PRKN: variants seen among roughly 807,000 people sequenced by gnomAD.
PRKN encodes the protein parkin RBR E3 ubiquitin protein ligase, also known as E3 ubiquitin-protein ligase parkin.
PRKN carries 56 observed loss-of-function variants against 59.5 expected under a neutral mutation model. That is an observed-to-expected ratio of 0.94 (90% confidence interval 0.76 to 1.18). The LOEUF is 1.18. Among genes scored for constraint, PRKN ranks in the 50% most tolerant of loss-of-function variants. PRKN has a pLI of 0.00. For synonymous variants in PRKN, 250 were observed against 222.1 expected (o/e 1.13, Z -1.12); for missense variants, 657 against 596.4 (o/e 1.10, Z -1.06).
rs1034456632 is a variant in PRKN, at chr6:161,429,897, G to C, written c.1084-43020C>G. Among the ~76,000 whole-genome samples the C allele has an allele frequency of 2.0e-5, 3 of 152,174 alleles. No homozygotes were observed. The highest frequency in any genetic ancestry group is 7.2e-5 in the African/African-American group (3 of 41,426). On this transcript the variant is annotated intron_variant, in intron 9 of 11. Transcript: ENST00000366898. The surrounding 1 kb of genome is among the most constrained non-coding windows in gnomAD (Gnocchi z 4.2). ...GCTTTCTTTGCAAGCTAACAAGTTA[G>C]TCTGCTCAGTTTTACGGAGGCCAGG...
At position 161,584,465 on chromosome 6, in the gene PRKN, T is replaced by C. The variant is rs1281562871; in HGVS notation, c.872-15049A>G. Among the ~76,000 whole-genome samples, 1 of 152,254 alleles carries C rather than the reference T, an allele frequency of 6.6e-6. No individual in the cohort carries two copies. On this transcript the variant is annotated intron_variant, in intron 7 of 11. Coordinates refer to ENST00000366898, the MANE Select transcript of PRKN (RefSeq NM_004562.3). The surrounding 1 kb of genome is among the most constrained non-coding windows in gnomAD (Gnocchi z 4.8). ...TATAATAATAGTTCTTCTATTATAA[T>C]CTTCATGTGCCAAATTGGGGGAAAA...
intron 3 of PRKN, among the ~76,000 whole-genome samples, chr6:162,248,872 T>C (rs1338277794): frequency 6.6e-6 from 1 of 151,948 alleles, no homozygotes; most frequent in African/African-American, 2.4e-5. Flanking sequence ...AGACTATTGC[T>C]TTTGTATATA....
At position 162,522,343 on chromosome 6, in the gene PRKN, C is replaced by T. The variant is rs181818891; in HGVS notation, c.8-78870G>A. ...TTTGCCATGGTGCCCAGGCTGGTCT[C>T]GAACTTGTGAGCTTCAGTGATTCGC... On this transcript the variant is annotated intron_variant, in intron 1 of 11. Transcript: ENST00000366898. Among the ~76,000 whole-genome samples, 340 of 152,258 alleles carry T rather than the reference C, an allele frequency of 2.2e-3. 3 individuals carry two copies. The highest frequency in any genetic ancestry group is 7.0e-3 in the African/African-American group (291 of 41,562).
At chr6:162,184,573 GTTGC>G (rs1274323192) in intron 4 of PRKN, among the ~76,000 whole-genome samples, 3 of 152,122 alleles carry the variant, frequency 2.0e-5, no homozygotes, top group Admixed American at 6.6e-5. Context: ...AGAAGGACAT[GTTGC>G]TTCCCCTTCC....
rs184844231 is a variant in PRKN, at chr6:162,101,482, C to T, written c.535-47308G>A. ...AGGAGATCGAGACCATCCTGGCTAA[C>T]GTGGAGAAACCCTGTCTCTACTAAA... On this transcript the variant is annotated intron_variant, in intron 4 of 11. Coordinates refer to ENST00000366898, the MANE Select transcript of PRKN (RefSeq NM_004562.3). 1.2e-3 allele frequency among the ~76,000 whole-genome samples: 179 copies of T among 151,622 alleles called. 1 individual carries two copies. The highest frequency in any genetic ancestry group is 3.8e-3 in the African/African-American group (158 of 41,304).
chr6:162,139,030 T>C (rs1367375707), intron 4 of PRKN, among the ~76,000 whole-genome samples: 1 of 152,212 alleles, frequency 6.6e-6, no homozygotes, highest in Admixed American at 6.5e-5. Flanking sequence ...CTAAGAATGA[T>C]GGAAGACATG....
intron 9 of PRKN, among the ~76,000 whole-genome samples, chr6:161,493,046 AG>A (rs1225857020): frequency 5.9e-5 from 9 of 152,228 alleles, no homozygotes; most frequent in Non-Finnish European, 1.3e-4. Context: ...GTTAAATTCT[AG>A]TTAAATGCCA....
At chr6:161,739,148 C>G (rs1349645882) in intron 7 of PRKN, among the ~76,000 whole-genome samples, 1 of 152,132 alleles carries the variant, frequency 6.6e-6, no homozygotes, top group Non-Finnish European at 1.5e-5. Flanking sequence ...TGGCTCACAC[C>G]TGTAATCCCA....
At chr6:161,791,086 C>A (rs998700852) in intron 6 of PRKN, among the ~76,000 whole-genome samples, 1 of 152,054 alleles carries the variant, frequency 6.6e-6, no homozygotes, top group African/African-American at 2.4e-5. Flanking sequence ...GTTAATTGAT[C>A]GATCCAGAGA....
chr6:162,550,862 G>A (rs976575916), intron 1 of PRKN, among the ~76,000 whole-genome samples: 4 of 152,158 alleles, frequency 2.6e-5, no homozygotes, highest in Admixed American at 6.5e-5. Flanking sequence ...CTGGAGTGGC[G>A]TGTGAGGTAA....
At chr6:161,764,312 G>A (rs910560367) in intron 7 of PRKN, among the ~76,000 whole-genome samples, 4 of 152,160 alleles carry the variant, frequency 2.6e-5, no homozygotes, top group Admixed American at 6.6e-5. Context: ...TCTGCAAACC[G>A]TTGCTTCTCC....
intron 6 of PRKN, among the ~76,000 whole-genome samples, chr6:161,970,593 AGT>A (rs921333629): frequency 3.3e-5 from 5 of 151,530 alleles, no homozygotes; most frequent in African/African-American, 1.2e-4. Context: ...GCTGGAGCGC[AGT>A]GGTACAATCT....
chr6:161,637,086 T>A (rs1225896878), intron 7 of PRKN, among the ~76,000 whole-genome samples: 1 of 152,140 alleles, frequency 6.6e-6, no homozygotes, highest in African/African-American at 2.4e-5. Flanking sequence ...TTAAAGTAAA[T>A]CCCTGTTGGT....
rs1789982864 is a variant in PRKN at position 161,777,652 on chromosome 6, ATATATAT to A, written c.871+8113_871+8119del. On this transcript the variant is annotated intron_variant, in intron 7 of 11. Coordinates refer to ENST00000366898, the MANE Select transcript of PRKN (RefSeq NM_004562.3). ...GCTAACTCTACGGATATTCTCATATATATATATTATATATATGAGAATATATATATAA... is the reference window on the plus strand; with the variant it reads ...GCTAACTCTACGGATATTCTCATATATATATATATGAGAATATATATATAA... Among the ~76,000 whole-genome samples the A allele has an allele frequency of 2.2e-5, 3 of 134,314 alleles. No homozygotes were observed. The Admixed American group carries it at 2.3e-4, about 10-fold the overall frequency. The allele number at this position is 134,314 out of a possible 152,430, so 88.1% of individuals were successfully genotyped here. A position where few individuals can be genotyped will look rare whatever the true frequency, so the allele number is the denominator to read the frequency against.
chr6:161,680,726 CATATATATATAT>C (rs56954052), intron 7 of PRKN, among the ~76,000 whole-genome samples: 35 of 51,020 alleles, frequency 6.9e-4, no homozygotes, highest in African/African-American at 1.0e-3. Flanking sequence ...TCCTGAAATA[CATATATATATAT>C]ATATATATAT....
At chr6:162,351,541 C>A (rs1052145136) in intron 2 of PRKN, among the ~76,000 whole-genome samples, 3 of 152,044 alleles carry the variant, frequency 2.0e-5, no homozygotes, top group Non-Finnish European at 1.5e-5. Flanking sequence ...TTCTTTGGGA[C>A]CAGGACATTT....
Position 161,703,843 on chromosome 6 carries a change from T to C in PRKN, c.871+81929A>G, listed in dbSNP as rs986152745. ...CATCTCTCTCTCTCTCTCTCTCTTTTTTTTTTTTTTTTTTTTTTTTTTTTT... is the reference window on the plus strand; with the variant it reads ...CATCTCTCTCTCTCTCTCTCTCTTTCTTTTTTTTTTTTTTTTTTTTTTTTT... On this transcript the variant is annotated intron_variant, in intron 7 of 11. Transcript: ENST00000366898. Among the ~76,000 whole-genome samples the C allele has an allele frequency of 1.9e-3, 18 of 9,304 alleles. 1 individual carries two copies. Among genetic ancestry groups the C allele is most frequent in the African/African-American group, 4.8e-3 (7 of 1,448 alleles). The allele number at this position is 9,304 out of a possible 152,430, so 6.1% of individuals were successfully genotyped here. A position where few individuals can be genotyped will look rare whatever the true frequency, so the allele number is the denominator to read the frequency against.
At chr6:162,542,903 G>A (rs748658552) in intron 1 of PRKN, among the ~76,000 whole-genome samples, 50 of 152,028 alleles carry the variant, frequency 3.3e-4, no homozygotes, top group Non-Finnish European at 6.2e-4. Context: ...CTGCTCCGCC[G>A]AGTGCCCTAA....
intron 4 of PRKN, among the ~76,000 whole-genome samples, chr6:162,082,765 T>C (rs975267544): frequency 6.6e-6 from 1 of 151,978 alleles, no homozygotes; most frequent in African/African-American, 2.4e-5. Flanking sequence ...CATGTTATGT[T>C]GTCTGAGGAA....
Sources: gnomAD v4.1 joint callset for allele counts (sites outside exome capture counted in the v4.1 genomes callset) on GRCh38, gnomAD v4.1.1 for gene constraint, Gnocchi (gnomAD v3.1) non-coding constraint, MANE v1.5 for transcripts, NCBI Gene and HGNC (gene_info 2026-07-23, HGNC 2026-07-21) for gene names.